Variants in SHLD2 observed in about 807,000 individuals in gnomAD.
The protein encoded by SHLD2 is shieldin complex subunit 2, also known as RINN1-REV7-interacting novel NHEJ regulator 2.
Under a neutral mutation model 73.2 loss-of-function variants are expected in SHLD2, and 30 were observed. The ratio of observed to expected loss-of-function variants is 0.41; its 90% confidence interval spans 0.31 to 0.56. The LOEUF (loss-of-function observed/expected upper bound fraction) is 0.56, where lower values mean the gene tolerates loss of function less well. Ranked by LOEUF, SHLD2 falls within the 20% of genes least tolerant of loss-of-function variation. The pLI, the probability that SHLD2 is intolerant of heterozygous loss-of-function variation, is 0.28. For missense variants in SHLD2, 745 were observed against 1,055.9 expected (o/e 0.71, Z 4.08); for synonymous variants, 285 against 370.1 (o/e 0.77, Z 2.64).
chr10:87,190,368 A>G (rs1023431923), intron 9 of SHLD2, 116 bp from the exon 10 acceptor site: 2 of 921,596 alleles, frequency 2.2e-6, no homozygotes, highest in Admixed American at 3.6e-5. Flanking sequence ...CGGGAGGAGA[A>G]ATTTAAAATG....
At chr10:87,099,658 GCGTTTATA>G (rs1400617158) in intron 2 of SHLD2, among the ~76,000 whole-genome samples, 2 of 152,304 alleles carry the variant, frequency 1.3e-5, no homozygotes, top group South Asian at 2.1e-4. Flanking sequence ...TCTCTTGGGT[GCGTTTATA>G]CCTAGGAATG....
intron 2 of SHLD2, among the ~76,000 whole-genome samples, chr10:87,138,544 T>C (rs1047110412): frequency 3.3e-5 from 5 of 152,186 alleles, no homozygotes; most frequent in African/African-American, 1.2e-4. Flanking sequence ...AGATGTGGGT[T>C]TTACAGCATA....
At chr10:87,169,887 T>C (rs565746495) in intron 4 of SHLD2, among the ~76,000 whole-genome samples, 8 of 152,126 alleles carry the variant, frequency 5.3e-5, no homozygotes, top group Non-Finnish European at 1.0e-4. Flanking sequence ...CTCTCTGAGC[T>C]CAGGGAACAA....
At chr10:87,157,948 T>C in intron 3 of SHLD2, 100 bp from the exon 4 acceptor site, 3 of 902,782 alleles carry the variant, frequency 3.3e-6, no homozygotes, top group Non-Finnish European at 5.0e-6. Context: ...TCTACTTGCT[T>C]GGTATATGGG....
intron 2 of SHLD2, among the ~76,000 whole-genome samples, chr10:87,118,659 A>G (rs948190343): frequency 4.0e-5 from 6 of 149,038 alleles, no homozygotes; most frequent in African/African-American, 1.3e-4. Flanking sequence ...GGGTCTTGCT[A>G]TGTTGTCCAG....
intron 4 of SHLD2, among the ~76,000 whole-genome samples, chr10:87,161,482 C>T (rs1369308571): frequency 2.0e-5 from 3 of 151,920 alleles, no homozygotes; most frequent in Admixed American, 6.5e-5. Context: ...TTAATATACA[C>T]AAATAATAAA....
chr10:87,143,998 G>C (rs1845398870), intron 2 of SHLD2, among the ~76,000 whole-genome samples: 1 of 151,928 alleles, frequency 6.6e-6, no homozygotes, highest in African/African-American at 2.4e-5. Context: ...TGAGTAGTGG[G>C]ACTACAGGCA....
chr10:87,096,245 G>A (rs1175084978), intron 1 of SHLD2, among the ~76,000 whole-genome samples: 1 of 151,982 alleles, frequency 6.6e-6, no homozygotes, highest in African/African-American at 2.4e-5. Context: ...GGGTTTCGCT[G>A]TGCTGGCCAG....
intron 2 of SHLD2, among the ~76,000 whole-genome samples, chr10:87,120,871 A>G (rs1199906087): frequency 6.6e-6 from 1 of 151,706 alleles, no homozygotes; most frequent in Non-Finnish European, 1.5e-5. Context: ...CTCAATATGG[A>G]GAAACCCTGT....
At chr10:87,183,617 A>G (rs2134728089) in intron 8 of SHLD2, among the ~76,000 whole-genome samples, 1 of 152,308 alleles carries the variant, frequency 6.6e-6, no homozygotes, top group East Asian at 1.9e-4. Flanking sequence ...AGAGTTTTAA[A>G]TATACTCTCT....
At chr10:87,168,740 C>G (rs1229326672) in intron 4 of SHLD2, among the ~76,000 whole-genome samples, 2 of 152,134 alleles carry the variant, frequency 1.3e-5, no homozygotes, top group Non-Finnish European at 2.9e-5. Context: ...ACTGGCTACT[C>G]ATGGACATAG....
At chr10:87,156,326 A>G (rs1441142794) in intron 3 of SHLD2, among the ~76,000 whole-genome samples, 2 of 152,052 alleles carry the variant, frequency 1.3e-5, no homozygotes, top group Non-Finnish European at 2.9e-5. Context: ...CGGCCTCCCA[A>G]AGTTCTGGGA....
intron 4 of SHLD2, among the ~76,000 whole-genome samples, chr10:87,161,763 C>T (rs1275475339): frequency 4.6e-5 from 7 of 152,056 alleles, no homozygotes; most frequent in Admixed American, 1.3e-4. Context: ...AAAGTTGATA[C>T]TAAAGCTCAT....
At chr10:87,140,112 A>G (rs1845077938) in intron 2 of SHLD2, among the ~76,000 whole-genome samples, 1 of 152,120 alleles carries the variant, frequency 6.6e-6, no homozygotes, top group South Asian at 2.1e-4. Flanking sequence ...GTAGAAAGCA[A>G]TTACTTTAGG....
chr10:87,154,927 T>C (rs1172053787), intron 3 of SHLD2, among the ~76,000 whole-genome samples: 1 of 152,086 alleles, frequency 6.6e-6, no homozygotes. Flanking sequence ...TGTAGGATTG[T>C]CAAGTACAAT....
At chr10:87,178,922 C>T (rs1848128010) in intron 7 of SHLD2, among the ~76,000 whole-genome samples, 1 of 152,092 alleles carries the variant, frequency 6.6e-6, no homozygotes. Context: ...ACAGAAGACT[C>T]ATCATTAACT....
At chr10:87,122,173 CAAAAA>C (rs10706744) in intron 2 of SHLD2, among the ~76,000 whole-genome samples, 4 of 86,408 alleles carry the variant, frequency 4.6e-5, no homozygotes, top group African/African-American at 1.4e-4. Flanking sequence ...CACTGACTGT[CAAAAA>C]AAAAAAAAAA....
chr10:87,185,706 A>G (rs567047037), intron 8 of SHLD2, among the ~76,000 whole-genome samples: 5 of 152,126 alleles, frequency 3.3e-5, no homozygotes, highest in Admixed American at 3.3e-4. Context: ...TACCTCCTAC[A>G]TTTAGGTTTA....
chr10:87,096,622 C>G (rs1298221229), intron 1 of SHLD2, among the ~76,000 whole-genome samples: 1 of 152,140 alleles, frequency 6.6e-6, no homozygotes, highest in Non-Finnish European at 1.5e-5. Flanking sequence ...AACTAGCTGC[C>G]AAACACCACA....
Sources: allele counts gnomAD v4.1 joint callset (sites outside exome capture counted in the v4.1 genomes callset), GRCh38; gene constraint gnomAD v4.1.1; transcripts MANE v1.5; gene names NCBI Gene and HGNC (gene_info 2026-07-23, HGNC 2026-07-21).